Variants in DOK6 observed in about 807,000 individuals in gnomAD.
The protein encoded by DOK6 is docking protein 6, also known as downstream of tyrosine kinase 6.
A neutral mutation model predicts 44.0 loss-of-function variants in DOK6; 22 were observed. The observed-to-expected ratio is 0.50, with a 90% CI of 0.36 to 0.71. The LOEUF (loss-of-function observed/expected upper bound fraction) is 0.71. DOK6 is among the 30% of genes least tolerant of loss of function. The pLI is 0.00. For missense variants in DOK6, 340 were observed against 416.4 expected, an observed-to-expected ratio of 0.82 and a Z score of 1.60; for synonymous variants, 166 against 145.5, an observed-to-expected ratio of 1.14 and a Z score of -1.01.
chr18:69,563,513 A>C (rs974710363), intron 1 of DOK6, among the ~76,000 whole-genome samples: 6 of 152,052 alleles, frequency 3.9e-5, no homozygotes, highest in Non-Finnish European at 7.4e-5. Flanking sequence ...GACATGGATG[A>C]AGCTGGAAAC....
At chr18:69,487,227 CTG>C (rs150469904) in intron 1 of DOK6, among the ~76,000 whole-genome samples, 40 of 125,006 alleles carry the variant, frequency 3.2e-4, no homozygotes, top group African/African-American at 7.2e-4. Context: ...GTGTGTCTGT[CTG>C]TGTGTGTGTG....
intron 5 of DOK6, among the ~76,000 whole-genome samples, chr18:69,716,562 T>C (rs1289813630): frequency 1.3e-5 from 2 of 152,158 alleles, no homozygotes; most frequent in Non-Finnish European, 2.9e-5. Context: ...TACACACTGC[T>C]TTTCCTGTGC....
intron 4 of DOK6, among the ~76,000 whole-genome samples, chr18:69,681,511 A>G (rs1196449358): frequency 6.6e-6 from 1 of 152,178 alleles, no homozygotes; most frequent in Non-Finnish European, 1.5e-5. Flanking sequence ...GGTATGGGGA[A>G]AGTTACATGA....
intron 1 of DOK6, among the ~76,000 whole-genome samples, chr18:69,524,281 C>T (rs888725282): frequency 4.6e-5 from 7 of 152,008 alleles, no homozygotes; most frequent in African/African-American, 1.7e-4. Context: ...TATTCAATTA[C>T]ACAACCCAAA....
At chr18:69,581,614 T>G (rs952449751) in intron 2 of DOK6, among the ~76,000 whole-genome samples, 2 of 152,202 alleles carry the variant, frequency 1.3e-5, no homozygotes, top group African/African-American at 2.4e-5. Flanking sequence ...GATACAACTT[T>G]GGCAATTCAG....
At chr18:69,447,627 A>G (rs577514057) in intron 1 of DOK6, among the ~76,000 whole-genome samples, 1 of 152,128 alleles carries the variant, frequency 6.6e-6, no homozygotes, top group African/African-American at 2.4e-5. Flanking sequence ...TCTTTCTTCT[A>G]TATTCCTTCA....
At chr18:69,510,808 T>C (rs929353419) in intron 1 of DOK6, among the ~76,000 whole-genome samples, 4 of 152,182 alleles carry the variant, frequency 2.6e-5, no homozygotes, top group Non-Finnish European at 4.4e-5. Flanking sequence ...ATTTAAAATT[T>C]GTATTTTAGT....
intron 1 of DOK6, among the ~76,000 whole-genome samples, chr18:69,511,666 T>C (rs1019931333): frequency 1.3e-5 from 2 of 152,218 alleles, no homozygotes; most frequent in South Asian, 4.1e-4. Flanking sequence ...TTTATTGATC[T>C]CCTTAACGGT....
chr18:69,563,561 A>C (rs1268161145), intron 1 of DOK6, among the ~76,000 whole-genome samples: 2 of 149,730 alleles, frequency 1.3e-5, no homozygotes, highest in African/African-American at 4.9e-5. Flanking sequence ...ACAAAAAATC[A>C]AACACCGCAT....
intron 4 of DOK6, among the ~76,000 whole-genome samples, chr18:69,678,988 C>T (rs1001204088): frequency 4.6e-5 from 7 of 152,040 alleles, no homozygotes; most frequent in Admixed American, 1.3e-4. Flanking sequence ...GACCAGCTTG[C>T]ACAACATAGT....
At chr18:69,481,235 T>C (rs1320828582) in intron 1 of DOK6, among the ~76,000 whole-genome samples, 4 of 152,074 alleles carry the variant, frequency 2.6e-5, no homozygotes, top group African/African-American at 7.2e-5. Context: ...ATATTTTTTA[T>C]TATTATACTT....
At chr18:69,747,084 A>G (rs143469972) in intron 6 of DOK6, among the ~76,000 whole-genome samples, 1 of 152,356 alleles carries the variant, frequency 6.6e-6, no homozygotes, top group African/African-American at 2.4e-5. Flanking sequence ...TGTAAAGTTC[A>G]GATGGCATAT....
chr18:69,833,402 A>G (rs1391642728), intron 7 of DOK6, among the ~76,000 whole-genome samples: 2 of 152,150 alleles, frequency 1.3e-5, no homozygotes, highest in African/African-American at 4.8e-5. Flanking sequence ...ACATATAAAA[A>G]TAAACTCAAA....
intron 1 of DOK6, among the ~76,000 whole-genome samples, chr18:69,463,757 GTGTC>G (rs1266592099): frequency 6.6e-6 from 1 of 151,722 alleles, no homozygotes; most frequent in Non-Finnish European, 1.5e-5. Flanking sequence ...ATGTTTGTGT[GTGTC>G]TGTGTGCATG....
chr18:69,530,339 G>A (rs1230682071), intron 1 of DOK6, among the ~76,000 whole-genome samples: 1 of 152,078 alleles, frequency 6.6e-6, no homozygotes, highest in African/African-American at 2.4e-5. Context: ...AAAACACTTT[G>A]TATGCCCTGT....
intron 7 of DOK6, among the ~76,000 whole-genome samples, chr18:69,767,727 T>C (rs964095637): frequency 1.3e-5 from 2 of 152,220 alleles, no homozygotes; most frequent in African/African-American, 4.8e-5. Context: ...CAGTTAATAC[T>C]ACACTGATTC....
At chr18:69,604,456 C>A (rs1983948696) in intron 3 of DOK6, among the ~76,000 whole-genome samples, 1 of 152,122 alleles carries the variant, frequency 6.6e-6, no homozygotes, top group Non-Finnish European at 1.5e-5. Context: ...AAGTTAGATA[C>A]AAATGTTAAT....
chr18:69,786,276 A>G (rs1317287739), intron 7 of DOK6, among the ~76,000 whole-genome samples: 3 of 152,190 alleles, frequency 2.0e-5, no homozygotes, highest in African/African-American at 7.2e-5. Flanking sequence ...AAAATCCTAT[A>G]TTTGATTTTT....
At chr18:69,769,837 G>A (rs939630481) in intron 7 of DOK6, among the ~76,000 whole-genome samples, 4 of 152,048 alleles carry the variant, frequency 2.6e-5, no homozygotes, top group Admixed American at 2.0e-4. Flanking sequence ...TCTCACCCCA[G>A]TTCAGAATTT....
Sources: allele counts gnomAD v4.1 joint callset (sites outside exome capture counted in the v4.1 genomes callset), GRCh38; gene constraint gnomAD v4.1.1; transcripts MANE v1.5; gene names NCBI Gene and HGNC (gene_info 2026-07-23, HGNC 2026-07-21).